The following DNAJC5B variants were observed in gnomAD, a reference collection of about 807,000 sequenced individuals.
DNAJC5B encodes the protein DnaJ heat shock protein family (Hsp40) member C5 beta, also known as dnaJ homolog subfamily C member 5B.
In DNAJC5B, 23 loss-of-function variants were observed where a neutral mutation model predicts 24.7. That is an observed-to-expected ratio of 0.93 (90% CI 0.67 to 1.32). The LOEUF (loss-of-function observed/expected upper bound fraction) is 1.32, where lower values mean the gene tolerates loss of function less well. DNAJC5B is among the 40% of genes most tolerant of loss of function. The pLI is 0.00. For missense variants in DNAJC5B, 238 were observed against 240.8 expected, an observed-to-expected ratio of 0.99 and a Z score of 0.08; for synonymous variants, 101 against 90.1, an observed-to-expected ratio of 1.12 and a Z score of -0.68.
upstream of DNAJC5B, among the ~76,000 whole-genome samples, chr8:66,016,617 C>A (rs1372975553): frequency 1.3e-5 from 2 of 152,338 alleles, no homozygotes; most frequent in East Asian, 3.9e-4. Context: ...GATTTAGTCA[C>A]TCTGCAAAAG....
At chr8:66,055,188 T>A (rs149821248) in intron 3 of DNAJC5B, among the ~76,000 whole-genome samples, 1 of 152,156 alleles carries the variant, frequency 6.6e-6, no homozygotes, top group Non-Finnish European at 1.5e-5. Flanking sequence ...GTCATACAAA[T>A]ATTATTTTTT....
intron 1 of DNAJC5B, among the ~76,000 whole-genome samples, chr8:66,035,403 T>C (rs1057284344): frequency 6.6e-6 from 1 of 152,194 alleles, no homozygotes; most frequent in Non-Finnish European, 1.5e-5. Flanking sequence ...TAAATTAAGA[T>C]GAGGCCTTAC....
chr8:66,054,019 A>G (rs1806911658), intron 3 of DNAJC5B, among the ~76,000 whole-genome samples: 1 of 150,362 alleles, frequency 6.7e-6, no homozygotes, highest in African/African-American at 2.5e-5. Context: ...GCTGTGGCCT[A>G]CGGTTATTTT....
intron 5 of DNAJC5B, among the ~76,000 whole-genome samples, chr8:66,092,502 C>T (rs569279572): frequency 2.0e-5 from 3 of 152,116 alleles, no homozygotes; most frequent in Admixed American, 6.5e-5. Flanking sequence ...GGTAATTCGC[C>T]TAACTCCTTT....
At chr8:66,073,125 G>A (rs955164881) in intron 3 of DNAJC5B, among the ~76,000 whole-genome samples, 1 of 151,942 alleles carries the variant, frequency 6.6e-6, no homozygotes, top group African/African-American at 2.4e-5. Context: ...TGTCTATGTA[G>A]AAAATTTAAA....
chr8:66,080,834 G>C (rs1185940172), intron 5 of DNAJC5B, among the ~76,000 whole-genome samples: 2 of 152,176 alleles, frequency 1.3e-5, no homozygotes, highest in Non-Finnish European at 1.5e-5. Context: ...AAGAGAGTGA[G>C]CACTGGATTC....
At chr8:66,022,639 C>T (rs1806161924) in intron 1 of DNAJC5B, among the ~76,000 whole-genome samples, 1 of 152,242 alleles carries the variant, frequency 6.6e-6, no homozygotes, top group Non-Finnish European at 1.5e-5. Flanking sequence ...ACAACTCTAA[C>T]TCTCCTTGGC....
intron 5 of DNAJC5B, 146 bp downstream of exon 5, chr8:66,080,694 C>T (rs1173635320): frequency 5.9e-6 from 4 of 673,676 alleles, no homozygotes; most frequent in Non-Finnish European, 9.6e-6. Flanking sequence ...TTTGGTACAG[C>T]TTCTGGGGAG....
chr8:66,076,968 C>G, intron 4 of DNAJC5B, 95 bp downstream of exon 4: 1 of 1,270,454 alleles, frequency 7.9e-7, no homozygotes, highest in Non-Finnish European at 1.1e-6. Flanking sequence ...AACCTTCCTG[C>G]TATTAAACTC....
intron 1 of DNAJC5B, among the ~76,000 whole-genome samples, chr8:66,028,344 A>T (rs1409096885): frequency 1.3e-5 from 2 of 152,122 alleles, no homozygotes; most frequent in Non-Finnish European, 2.9e-5. Flanking sequence ...CTTCATTGGG[A>T]TATGAAAAAG....
At chr8:66,024,406 T>TG (rs1208704897) in intron 1 of DNAJC5B, among the ~76,000 whole-genome samples, 1 of 125,478 alleles carries the variant, frequency 8.0e-6, no homozygotes, top group Non-Finnish European at 1.6e-5. Context: ...TCAGGATTCT[T>TG]TTTTTTTTTT....
chr8:66,073,398 A>G (rs140602441), intron 3 of DNAJC5B, among the ~76,000 whole-genome samples: 3 of 152,292 alleles, frequency 2.0e-5, no homozygotes, highest in East Asian at 1.9e-4. Context: ...TCGACATACT[A>G]TACAAAAGTC....
intron 5 of DNAJC5B, among the ~76,000 whole-genome samples, chr8:66,096,975 C>T (rs779622515): frequency 9.9e-5 from 15 of 152,050 alleles, no homozygotes; most frequent in Admixed American, 9.8e-4. Context: ...GCTCACTACC[C>T]GTGTAACCTT....
intron 5 of DNAJC5B, among the ~76,000 whole-genome samples, chr8:66,082,311 C>T (rs1807613836): frequency 6.6e-6 from 1 of 151,954 alleles, no homozygotes; most frequent in Admixed American, 6.6e-5. Flanking sequence ...CCTAGGATAC[C>T]TAGGTTCAAT....
intron 5 of DNAJC5B, among the ~76,000 whole-genome samples, chr8:66,086,512 C>G (rs960855015): frequency 6.6e-6 from 1 of 152,104 alleles, no homozygotes; most frequent in Non-Finnish European, 1.5e-5. Flanking sequence ...GAACTATTAG[C>G]TACCTTTACA....
At chr8:66,095,775 G>A (rs915277011) in intron 5 of DNAJC5B, among the ~76,000 whole-genome samples, 3 of 151,102 alleles carry the variant, frequency 2.0e-5, no homozygotes, top group Admixed American at 6.6e-5. Context: ...TTTAAGCTAG[G>A]CCTGTGTATA....
intron 1 of DNAJC5B, among the ~76,000 whole-genome samples, chr8:66,024,281 T>G (rs911671312): frequency 6.6e-6 from 1 of 152,208 alleles, no homozygotes; most frequent in Non-Finnish European, 1.5e-5. Flanking sequence ...ACTTTCAGCT[T>G]CCTTATTAAT....
At chr8:66,058,008 G>A (rs895766584) in intron 3 of DNAJC5B, 4 of 152,216 alleles carry the variant, frequency 2.6e-5, no homozygotes, top group Admixed American at 6.5e-5. Context: ...GCAGAAATAT[G>A]GGTAAATACA....
intron 1 of DNAJC5B, among the ~76,000 whole-genome samples, chr8:66,035,880 CCTTCCCT>C (rs770071682): frequency 1.6e-4 from 24 of 152,126 alleles, no homozygotes; most frequent in Non-Finnish European, 3.2e-4. Context: ...TCCTAGGGGA[CCTTCCCT>C]CTTCCCGGCA....
Sources: allele counts gnomAD v4.1 joint callset (sites outside exome capture counted in the v4.1 genomes callset), GRCh38; gene constraint gnomAD v4.1.1; transcripts MANE v1.5; gene names NCBI Gene and HGNC (gene_info 2026-07-23, HGNC 2026-07-21).